AGBL4: variants seen among roughly 807,000 people sequenced by gnomAD.
The protein encoded by AGBL4 is AGBL carboxypeptidase 4.
In AGBL4, 58 loss-of-function variants were observed where a neutral mutation model predicts 66.4. The ratio of observed to expected loss-of-function variants is 0.87; its 90% CI spans 0.71 to 1.09. AGBL4 has a LOEUF of 1.09. Ranked by LOEUF, AGBL4 falls within the 50% of genes least tolerant of loss-of-function variation. The pLI is 0.00. For missense variants in AGBL4, 579 were observed against 631.0 expected (o/e 0.92, Z 0.88); for synonymous variants, 234 against 222.9 (o/e 1.05, Z -0.44).
At chr1:49,857,099 A>G (rs889201595) in intron 1 of AGBL4, among the ~76,000 whole-genome samples, 1 of 152,126 alleles carries the variant, frequency 6.6e-6, no homozygotes, top group African/African-American at 2.4e-5. Flanking sequence ...AACAACCTGA[A>G]AAAAAATCAA....
At chr1:48,658,611 A>C (rs1047557990) in intron 7 of AGBL4, among the ~76,000 whole-genome samples, 3 of 152,192 alleles carry the variant, frequency 2.0e-5, no homozygotes, top group Non-Finnish European at 4.4e-5. Flanking sequence ...GAAGAGACAG[A>C]AGTCTAGAAA....
intron 1 of AGBL4, among the ~76,000 whole-genome samples, chr1:49,934,326 C>A (rs942548739): frequency 6.6e-6 from 1 of 152,094 alleles, no homozygotes; most frequent in African/African-American, 2.4e-5. Context: ...TTTTACCCAA[C>A]AGCAGCAGAA....
At chr1:48,534,838 A>T in intron 13 of AGBL4, 52 bp downstream of exon 13, 1 of 1,507,416 alleles carries the variant, frequency 6.6e-7, no homozygotes, top group Non-Finnish European at 9.0e-7. Flanking sequence ...GCCCTGGAGC[A>T]CATGCATGGT....
intron 6 of AGBL4, among the ~76,000 whole-genome samples, chr1:48,809,608 T>C (rs1363893501): frequency 6.6e-6 from 1 of 152,180 alleles, no homozygotes; most frequent in African/African-American, 2.4e-5. Context: ...GAGTCCTGCC[T>C]TAACAGGTAG....
intron 3 of AGBL4, among the ~76,000 whole-genome samples, chr1:49,378,514 T>C (rs138537906): frequency 6.6e-6 from 1 of 151,864 alleles, no homozygotes; most frequent in Non-Finnish European, 1.5e-5. Context: ...AGAACCCTGG[T>C]GAGAGGGAGC....
intron 6 of AGBL4, among the ~76,000 whole-genome samples, chr1:48,785,561 A>G (rs1373996026): frequency 2.0e-5 from 3 of 152,208 alleles, no homozygotes; most frequent in Non-Finnish European, 2.9e-5. Context: ...CATTTTCAAA[A>G]TGTTTTTCCA....
At chr1:49,855,364 A>G (rs1646407761) in intron 1 of AGBL4, among the ~76,000 whole-genome samples, 1 of 152,180 alleles carries the variant, frequency 6.6e-6, no homozygotes, top group South Asian at 2.1e-4. Context: ...TCATATAGAA[A>G]GCAAATCAAC....
intron 1 of AGBL4, among the ~76,000 whole-genome samples, chr1:49,885,921 G>A (rs1647986182): frequency 6.6e-6 from 1 of 152,114 alleles, no homozygotes; most frequent in Non-Finnish European, 1.5e-5. Context: ...TACTTGGTTG[G>A]CCACTTTTGG....
chr1:49,395,873 A>G (rs1165034954), intron 3 of AGBL4, among the ~76,000 whole-genome samples: 4 of 140,850 alleles, frequency 2.8e-5, no homozygotes, highest in African/African-American at 1.1e-4. Context: ...ATATATATAT[A>G]TAGCCAGTGG....
intron 6 of AGBL4, among the ~76,000 whole-genome samples, chr1:48,797,079 C>T (rs955290716): frequency 5.9e-5 from 9 of 152,126 alleles, no homozygotes; most frequent in Non-Finnish European, 1.0e-4. Context: ...TGCACCCTTA[C>T]GTGAAGTTTG....
intron 1 of AGBL4, among the ~76,000 whole-genome samples, chr1:49,862,840 CAT>C (rs1241329296): frequency 6.6e-6 from 1 of 152,058 alleles, no homozygotes; most frequent in African/African-American, 2.4e-5. Context: ...TTCTCACACA[CAT>C]ACAAAAAAAG....
Position 49,948,115 on chromosome 1 carries a change from T to G in AGBL4, c.34+75648A>C, listed in dbSNP as rs1211599957. ...ATGTATATGTATATATATGTAAATG[T>G]ATGTAAATATATATAAATATATGTA... On this transcript the variant is annotated intron_variant, in intron 1 of 13. Coordinates refer to ENST00000371839, the MANE Select transcript of AGBL4 (RefSeq NM_032785.4). 2.6e-3 allele frequency among the ~76,000 whole-genome samples: 209 copies of G among 80,712 alleles called. 1 individual carries two copies. Among genetic ancestry groups the G allele is most frequent in the African/African-American group, 9.4e-3 (197 of 20,888 alleles). The allele number at this position is 80,712 out of a possible 152,430, so 53.0% of individuals were successfully genotyped here. A position where few individuals can be genotyped will look rare whatever the true frequency, so the allele number is the denominator to read the frequency against.
intron 3 of AGBL4, among the ~76,000 whole-genome samples, chr1:49,247,175 A>T (rs1248609210): frequency 6.6e-6 from 1 of 152,098 alleles, no homozygotes; most frequent in Non-Finnish European, 1.5e-5. Context: ...CCATAACCCT[A>T]AACAAGTCTA....
chr1:49,670,368 C>A (rs1440146012), intron 3 of AGBL4, among the ~76,000 whole-genome samples: 1 of 152,098 alleles, frequency 6.6e-6, no homozygotes, highest in Non-Finnish European at 1.5e-5. Flanking sequence ...AGACAATAGC[C>A]CATGATTCTG....
chr1:48,814,273 C>G (rs1255111500), intron 6 of AGBL4, among the ~76,000 whole-genome samples: 1 of 152,056 alleles, frequency 6.6e-6, no homozygotes, highest in East Asian at 1.9e-4. Context: ...TTAAGGACTT[C>G]CTGCTTATTT....
At chr1:48,523,738 C>T in the AGBL4 span, among the ~76,000 whole-genome samples, 5 of 151,872 alleles carry the variant, frequency 3.3e-5, no homozygotes, top group African/African-American at 1.2e-4. Context: ...TACAGTCATG[C>T]ATTGTTTAAT....
At chr1:48,886,175 C>T (rs1338534579) in intron 5 of AGBL4, among the ~76,000 whole-genome samples, 1 of 151,990 alleles carries the variant, frequency 6.6e-6, no homozygotes, top group Non-Finnish European at 1.5e-5. Flanking sequence ...TGTGCTGAGA[C>T]TCCAGAGAGT....
chr1:48,734,739 C>T (rs1179476775), intron 6 of AGBL4, among the ~76,000 whole-genome samples: 2 of 152,246 alleles, frequency 1.3e-5, no homozygotes, highest in Non-Finnish European at 2.9e-5. Context: ...AACAGACCTT[C>T]TCCAACTACC....
At position 49,254,030 on chromosome 1, in the gene AGBL4, C is replaced by A. The variant is rs571647973; in HGVS notation, c.283-8166G>T. ...GGAACATACCTCAAAATAATAAGAA[C>A]CATCTAGGACAAACCCACAGCCAAC... On this transcript the variant is annotated intron_variant, in intron 3 of 13. Coordinates refer to ENST00000371839, the MANE Select transcript of AGBL4 (RefSeq NM_032785.4). 2.1e-3 allele frequency among the ~76,000 whole-genome samples: 322 copies of A among 152,224 alleles called. 1 individual carries two copies. Among genetic ancestry groups the A allele is most frequent in the Non-Finnish European group, 3.3e-3 (223 of 68,000 alleles).
Sources: gnomAD v4.1 joint callset for allele counts (sites outside exome capture counted in the v4.1 genomes callset) on GRCh38, gnomAD v4.1.1 for gene constraint, MANE v1.5 for transcripts, NCBI Gene and HGNC (gene_info 2026-07-23, HGNC 2026-07-21) for gene names.